GRIN2A: variants seen among roughly 807,000 people sequenced by gnomAD.
GRIN2A encodes glutamate ionotropic receptor NMDA type subunit 2A, also known as glutamate receptor ionotropic, NMDA 2A.
A neutral mutation model predicts 113.4 loss-of-function variants in GRIN2A; 22 were observed. That is an observed-to-expected ratio of 0.19 (90% CI 0.14 to 0.28). The LOEUF is 0.28. GRIN2A is among the 10% of genes least tolerant of loss of function. GRIN2A has a pLI of 1.00. For synonymous variants in GRIN2A, 827 were observed against 738.4 expected, an observed-to-expected ratio of 1.12 and a Z score of -1.94; for missense variants, 1,502 against 1,887.0, an observed-to-expected ratio of 0.80 and a Z score of 3.78.
Position 10,003,188 on chromosome 16 carries a change from T to C in GRIN2A, c.415-64637A>G, listed in dbSNP as rs1379990193. Among the ~76,000 whole-genome samples, 3 of 152,168 alleles carry C rather than the reference T, an allele frequency of 2.0e-5. No homozygotes were observed. In the East Asian group the frequency reaches 5.8e-4, roughly 29 times the overall value. On this transcript the variant is annotated intron_variant, in intron 2 of 12. Coordinates refer to ENST00000330684, the MANE Select transcript of GRIN2A (RefSeq NM_001134407.3). Reference sequence around the variant, plus strand: ...GGAGTATGGAGTCCCTGATCCTTCATCTATTTTTGAGTGGCCCTGTCCAGA... The same window carrying C: ...GGAGTATGGAGTCCCTGATCCTTCACCTATTTTTGAGTGGCCCTGTCCAGA...
At position 9,764,534 on chromosome 16, in the gene GRIN2A, A is replaced by C; in HGVS notation, c.3010T>G (p.Ser1004Ala). The C allele has an allele frequency of 6.2e-7, 1 of 1,613,930 alleles. No individual in the cohort carries two copies. Among genetic ancestry groups the C allele is most frequent in the Non-Finnish European group, 8.5e-7 (1 of 1,179,984 alleles). ...NTVEVAVSTE[S>A]KANSRPRQLW... Reference sequence around the variant, plus strand: ...TGCCGGGGTCTAGAGTTCGCTTTGGATTCTGTGCTCACGGCCACCTCCACC... The same window carrying C: ...TGCCGGGGTCTAGAGTTCGCTTTGGCTTCTGTGCTCACGGCCACCTCCACC... The change falls in exon 13 of 13, where the codon TCC becomes GCC. Residue 1004 changes from serine (S) to alanine (A), a missense_variant. Around this residue, in one of 7 missense-constraint regions of GRIN2A, gnomAD observed 832 missense variants for 789.7 expected, o/e 1.05. Coordinates refer to ENST00000330684, the MANE Select transcript of GRIN2A (RefSeq NM_001134407.3).
intron 2 of GRIN2A, among the ~76,000 whole-genome samples, chr16:10,076,260 A>T (rs67171153): frequency 0.14 from 21,203 of 152,062 alleles, 1,990 homozygotes; most frequent in African/African-American, 0.27. Context: ...CATTAGGTAC[A>T]GCTAAGCTTT....
intron 2 of GRIN2A, among the ~76,000 whole-genome samples, chr16:10,161,934 C>T (rs776772829): frequency 6.6e-6 from 1 of 152,188 alleles, no homozygotes; most frequent in Non-Finnish European, 1.5e-5. Context: ...AAATTGGACT[C>T]ACCTAGGCTA....
At chr16:9,854,319 G>A (rs758463640) in intron 4 of GRIN2A, among the ~76,000 whole-genome samples, 19 of 151,732 alleles carry the variant, frequency 1.3e-4, no homozygotes, top group Non-Finnish European at 1.9e-4. Context: ...GAGGGTGGCC[G>A]TCTGAATAGC....
intron 12 of GRIN2A, among the ~76,000 whole-genome samples, chr16:9,765,773 G>GTAGT (rs1900881370): frequency 6.6e-6 from 1 of 152,156 alleles, no homozygotes; most frequent in African/African-American, 2.4e-5. Flanking sequence ...TCTATTCAAT[G>GTAGT]TAGTTAGAAC....
intron 12 of GRIN2A, among the ~76,000 whole-genome samples, chr16:9,767,061 G>A (rs1046391209): frequency 6.6e-6 from 1 of 152,246 alleles, no homozygotes; most frequent in African/African-American, 2.4e-5. Flanking sequence ...TTTGTTTGGT[G>A]CTAATCCCAG....
chr16:10,106,491 C>A (rs1259876241), intron 2 of GRIN2A, among the ~76,000 whole-genome samples: 1 of 151,846 alleles, frequency 6.6e-6, no homozygotes, highest in Non-Finnish European at 1.5e-5. Flanking sequence ...CCAAAGTGGC[C>A]ACACCATCAC....
At chr16:9,923,998 G>A (rs895391773) in intron 3 of GRIN2A, among the ~76,000 whole-genome samples, 1 of 151,250 alleles carries the variant, frequency 6.6e-6, no homozygotes, top group Non-Finnish European at 1.5e-5. Context: ...TTGGTGGCAT[G>A]TGCCTGTAAT....
intron 11 of GRIN2A, among the ~76,000 whole-genome samples, chr16:9,775,435 T>C (rs1901535985): frequency 6.6e-6 from 1 of 152,260 alleles, no homozygotes; most frequent in African/African-American, 2.4e-5. Context: ...GTGGCAAACA[T>C]CTCTGTATTT....
chr16:9,953,466 G>A (rs1216504936), intron 2 of GRIN2A, among the ~76,000 whole-genome samples: 2 of 152,142 alleles, frequency 1.3e-5, no homozygotes, highest in Admixed American at 6.6e-5. Context: ...TGGAATTCAG[G>A]TTTAGGTTAG....
intron 2 of GRIN2A, among the ~76,000 whole-genome samples, chr16:10,149,114 T>A (rs569841207): frequency 6.6e-6 from 1 of 152,158 alleles, no homozygotes; most frequent in Non-Finnish European, 1.5e-5. Flanking sequence ...GGATGGTTAA[T>A]GGGTTCAAAA....
At chr16:9,961,087 T>G (rs11860593) in intron 2 of GRIN2A, among the ~76,000 whole-genome samples, 1 of 152,232 alleles carries the variant, frequency 6.6e-6, no homozygotes, top group Non-Finnish European at 1.5e-5. Context: ...AATATATGTA[T>G]GACTTTAGCA....
At chr16:9,929,955 G>T (rs1355497263) in intron 3 of GRIN2A, among the ~76,000 whole-genome samples, 1 of 152,150 alleles carries the variant, frequency 6.6e-6, no homozygotes, top group African/African-American at 2.4e-5. Context: ...CCAGCATCAG[G>T]TTTCTACCAT....
chr16:9,926,856 T>G (rs1456737207), intron 3 of GRIN2A, among the ~76,000 whole-genome samples: 1 of 152,026 alleles, frequency 6.6e-6, no homozygotes, highest in Non-Finnish European at 1.5e-5. Flanking sequence ...AAAATATAAT[T>G]TTTGTGAAAT....
At chr16:10,086,030 G>C (rs1211060615) in intron 2 of GRIN2A, among the ~76,000 whole-genome samples, 1 of 152,142 alleles carries the variant, frequency 6.6e-6, no homozygotes, top group Non-Finnish European at 1.5e-5. Flanking sequence ...CTCCACGGGT[G>C]TCCTCTTGAA....
chr16:9,884,989 G>A (rs150381371), intron 4 of GRIN2A, among the ~76,000 whole-genome samples: 1,921 of 151,720 alleles, frequency 0.013, 40 homozygotes, highest in African/African-American at 0.041. Flanking sequence ...CACCCACCTC[G>A]GCCTCCCAAA....
At chr16:10,109,031 AAAAAC>A (rs368519671) in intron 2 of GRIN2A, among the ~76,000 whole-genome samples, 223 of 145,378 alleles carry the variant, frequency 1.5e-3, no homozygotes, top group South Asian at 8.7e-3. Context: ...AAAAAAAAAA[AAAAAC>A]AAAATTGATA....
intron 2 of GRIN2A, among the ~76,000 whole-genome samples, chr16:9,958,858 G>T (rs1399057278): frequency 1.3e-5 from 2 of 152,308 alleles, no homozygotes; most frequent in East Asian, 1.9e-4. Flanking sequence ...GCATGGGCTT[G>T]TTCACTGATA....
chr16:9,950,626 A>G (rs1596355714), intron 2 of GRIN2A, among the ~76,000 whole-genome samples: 1 of 152,338 alleles, frequency 6.6e-6, no homozygotes, highest in Non-Finnish European at 1.5e-5. Context: ...CAAACAGGAC[A>G]GCTATAATTG....
Sources: allele counts gnomAD v4.1 joint callset (sites outside exome capture counted in the v4.1 genomes callset), GRCh38; gene constraint gnomAD v4.1.1; regional missense constraint gnomAD v4.1.1; transcripts MANE v1.5; gene names NCBI Gene and HGNC (gene_info 2026-07-23, HGNC 2026-07-21).